The following TEKT3 variants were observed in gnomAD, a reference collection of about 807,000 sequenced individuals.
TEKT3 encodes tektin-3.
TEKT3 carries 49 observed loss-of-function variants against 49.8 expected under a neutral mutation model. The observed-to-expected ratio is 0.98, with a 90% CI of 0.78 to 1.25. The LOEUF (loss-of-function observed/expected upper bound fraction) is 1.25, where lower values mean the gene tolerates loss of function less well. TEKT3 is among the 50% of genes most tolerant of loss of function. The probability of loss-of-function intolerance (pLI) is 0.00; values close to 1 mark genes in which losing one functional copy is unlikely to be tolerated. For synonymous variants in TEKT3, 225 were observed against 237.2 expected (o/e 0.95, Z 0.47); for missense variants, 595 against 629.5 (o/e 0.95, Z 0.59).
At chr17:15,328,984 A>G (rs1439085611) in intron 3 of TEKT3, among the ~76,000 whole-genome samples, 3 of 152,212 alleles carry the variant, frequency 2.0e-5, no homozygotes, top group African/African-American at 4.8e-5. Context: ...GTTTAATAGT[A>G]TCACTTACCA....
chr17:15,330,928 CAATA>C, intron 3 of TEKT3, 75 bp downstream of exon 3: 2 of 1,366,642 alleles, frequency 1.5e-6, no homozygotes, highest in Non-Finnish European at 2.0e-6. Context: ...AAACATAAGT[CAATA>C]AATAAATAAC....
intron 5 of TEKT3, among the ~76,000 whole-genome samples, chr17:15,317,807 C>T (rs1911071628): frequency 6.6e-6 from 1 of 151,778 alleles, no homozygotes; most frequent in South Asian, 2.1e-4. Context: ...CCTCCTAACT[C>T]CTCATCCCAC....
At chr17:15,338,036 T>C (rs1052981817) in intron 2 of TEKT3, among the ~76,000 whole-genome samples, 4 of 152,190 alleles carry the variant, frequency 2.6e-5, no homozygotes, top group African/African-American at 9.6e-5. Context: ...AATGTTTATG[T>C]AATCATTTAC....
chr17:15,334,613 TTTTA>T (rs1291968510), intron 2 of TEKT3, among the ~76,000 whole-genome samples: 1 of 152,216 alleles, frequency 6.6e-6, no homozygotes, highest in Non-Finnish European at 1.5e-5. Flanking sequence ...GTGATGTGTT[TTTTA>T]ATTAGAGGTG....
intron 3 of TEKT3, 116 bp from the exon 4 acceptor site, chr17:15,328,191 G>T: frequency 1.2e-6 from 1 of 810,466 alleles, no homozygotes; most frequent in Non-Finnish European, 2.0e-6. Context: ...AACTTTTCCA[G>T]CCCTTTTGTG....
Position 15,304,005 on chromosome 17 carries a change from G to A in TEKT3, c.1404C>T (p.Ile468=), listed in dbSNP as rs1378538640. The A allele has an allele frequency of 5.0e-6, 8 of 1,614,146 alleles. No individual in the cohort carries two copies. Among genetic ancestry groups the A allele is most frequent in the Admixed American group, 3.3e-5 (2 of 60,020 alleles). ...GCATGCTCATGCATTTTTCCTGGTCGATGTACAGGGAATTGGCTTTGACAG... is the reference window on the plus strand; with the variant it reads ...GCATGCTCATGCATTTTTCCTGGTCAATGTACAGGGAATTGGCTTTGACAG... ...DLAVKANSLY[I]DQEKCMSMRK... The change falls in exon 9 of 9, where the codon ATC becomes ATT. Residue 468 remains isoleucine (I), a synonymous_variant. Coordinates refer to ENST00000395930, the MANE Select transcript of TEKT3 (RefSeq NM_031898.3). The surrounding 1 kb of genome is among the most constrained non-coding windows in gnomAD (Gnocchi z 4.7).
At position 15,308,751 on chromosome 17, in the gene TEKT3, G is replaced by T; in HGVS notation, c.1169C>A (p.Thr390Asn). ...GGTCTGAGCCACCTTCAGGAAGGCA[G>T]TCTTGTCCTTGATGGCCTTCTTGAT... is the stretch of plus-strand genomic sequence containing the variant. ...ESIKKAIKDK[T>N]AFLKVAQTRL... Residue 390 changes from threonine to asparagine, a missense_variant, in exon 8 of 9, where the codon ACT (threonine) becomes AAT (asparagine). Coordinates refer to ENST00000395930, the MANE Select transcript of TEKT3 (RefSeq NM_031898.3). 6.2e-7 allele frequency: 1 copy of T among 1,614,104 alleles called. No homozygotes were observed. Among genetic ancestry groups the T allele is most frequent in the Non-Finnish European group, 8.5e-7 (1 of 1,180,032 alleles).
At chr17:15,315,788 T>A (rs1269115844) in intron 5 of TEKT3, among the ~76,000 whole-genome samples, 1 of 152,006 alleles carries the variant, frequency 6.6e-6, no homozygotes, top group Non-Finnish European at 1.5e-5. Context: ...AGGCTAGAGA[T>A]AAAAAGTAGG....
At chr17:15,322,317 G>A (rs1446607219) in intron 4 of TEKT3, among the ~76,000 whole-genome samples, 3 of 152,226 alleles carry the variant, frequency 2.0e-5, no homozygotes, top group African/African-American at 7.2e-5. Flanking sequence ...AACCTGACCA[G>A]AGGCAAGTAA....
chr17:15,309,619 C>G (rs1910686405), intron 7 of TEKT3, among the ~76,000 whole-genome samples: 1 of 152,092 alleles, frequency 6.6e-6, no homozygotes, highest in Non-Finnish European at 1.5e-5. Flanking sequence ...GAGACACAAC[C>G]AAGAATCATC....
At chr17:15,340,930 A>T (rs537952166) in intron 1 of TEKT3, among the ~76,000 whole-genome samples, 20 of 152,232 alleles carry the variant, frequency 1.3e-4, no homozygotes, top group Non-Finnish European at 2.5e-4. Context: ...TTTCTCTACA[A>T]TACTATATAC....
Position 15,331,503 on chromosome 17 carries a change from G to T in TEKT3, c.83C>A (p.Thr28Asn), listed in dbSNP as rs775397252. The change falls in exon 3 of 9, where the codon ACC (threonine) becomes AAC (asparagine). Residue 28 changes from threonine to asparagine, a missense_variant. Physicochemically the swap from Thr to Asn is moderately conservative, Grantham distance 65. Transcript: ENST00000395930. ...GCGGTCCCTGTAGCTTGAGGCCATG[G>T]TACTGATGGCTGGTAGAAAGTTGGT... ...TPTNFLPAISTMASSYRDRFP... is the reference protein window; with the variant it reads ...TPTNFLPAISNMASSYRDRFP... 6 of 1,614,108 alleles carry T rather than the reference G, an allele frequency of 3.7e-6. No homozygotes were observed. In the East Asian group the frequency reaches 1.3e-4, roughly 36 times the overall value.
At chr17:15,337,747 C>T (rs1912046235) in intron 2 of TEKT3, among the ~76,000 whole-genome samples, 1 of 152,100 alleles carries the variant, frequency 6.6e-6, no homozygotes, top group African/African-American at 2.4e-5. Flanking sequence ...GAGGCTGAGG[C>T]AGAGAATTGC....
At position 15,331,299 on chromosome 17, in the gene TEKT3, G is replaced by A. The variant is rs562385964; in HGVS notation, c.287C>T (p.Pro96Leu). Residue 96 changes from proline to leucine, a missense_variant, in exon 3 of 9, where the codon CCG becomes CTG. Pro to Leu is a moderately conservative substitution (Grantham distance 98). Coordinates refer to ENST00000395930, the MANE Select transcript of TEKT3 (RefSeq NM_031898.3). ...TAAATTGGACCTGTACCAGTCATCC[G>A]GTGTGTATCTTGTGAAGAAAGTGGT... Reference protein sequence around the residue: ...NRTTFFTRYTPDDWYRSNLTN... With the variant: ...NRTTFFTRYTLDDWYRSNLTN... 72 of 1,614,198 alleles carry A rather than the reference G, an allele frequency of 4.5e-5. 1 individual carries two copies. Among genetic ancestry groups the A allele is most frequent in the South Asian group, 6.6e-5 (6 of 91,086 alleles).
At chr17:15,317,109 G>C (rs1017157718) in intron 5 of TEKT3, among the ~76,000 whole-genome samples, 1 of 152,132 alleles carries the variant, frequency 6.6e-6, no homozygotes, top group African/African-American at 2.4e-5. Flanking sequence ...ACAAATCCTG[G>C]AGAAGCCATC....
chr17:15,313,163 G>T (rs1278677083), intron 6 of TEKT3, among the ~76,000 whole-genome samples: 2 of 152,148 alleles, frequency 1.3e-5, no homozygotes, highest in Non-Finnish European at 2.9e-5. Flanking sequence ...AAAACAAAAA[G>T]GTTGATTATG....
intron 5 of TEKT3, among the ~76,000 whole-genome samples, chr17:15,316,382 C>T (rs561219369): frequency 6.6e-6 from 1 of 152,124 alleles, no homozygotes; most frequent in Non-Finnish European, 1.5e-5. Flanking sequence ...AATCCCTTCT[C>T]GTGCACACTG....
chr17:15,319,116 C>A lies in TEKT3; in HGVS notation c.695G>T (p.Arg232Ile). 6.2e-7 allele frequency: 1 copy of A among 1,611,732 alleles called. No individual in the cohort carries two copies. The highest frequency in any genetic ancestry group is 8.5e-7 in the Non-Finnish European group (1 of 1,179,162). ...EVDTILCCQE[R>I]MKLHLDKAIA... Reference sequence around the variant, plus strand: ...AGCCTTATCCAAATGTAGCTTCATTCTTTCTTGACAACACAGAATAGTATC... The same window carrying A: ...AGCCTTATCCAAATGTAGCTTCATTATTTCTTGACAACACAGAATAGTATC... The change falls in exon 5 of 9, where the codon AGA becomes ATA. Residue 232 changes from arginine to isoleucine, a missense_variant. Coordinates refer to ENST00000395930, the MANE Select transcript of TEKT3 (RefSeq NM_031898.3).
rs1341925247 is a variant in TEKT3 at position 15,335,851 on chromosome 17, A to G, written c.-30+4177T>C. Among the ~76,000 whole-genome samples, 113 of 152,342 alleles carry G rather than the reference A, an allele frequency of 7.4e-4. 3 individuals are homozygous for G. Among genetic ancestry groups the G allele is most frequent in the Non-Finnish European group, 1.5e-4 (10 of 68,028 alleles). Reference sequence around the variant, plus strand: ...AATAAAACATACAATATATACTTGCACAACTTCACTACATGAGATTAACAG... The same window carrying G: ...AATAAAACATACAATATATACTTGCGCAACTTCACTACATGAGATTAACAG... On this transcript the variant is annotated intron_variant, in intron 2 of 8. Coordinates refer to ENST00000395930, the MANE Select transcript of TEKT3 (RefSeq NM_031898.3).
Sources: allele counts gnomAD v4.1 joint callset (sites outside exome capture counted in the v4.1 genomes callset), GRCh38; gene constraint gnomAD v4.1.1; non-coding constraint Gnocchi (gnomAD v3.1); transcripts MANE v1.5; gene names NCBI Gene and HGNC (gene_info 2026-07-23, HGNC 2026-07-21).